Variants in HDAC9 observed in about 807,000 individuals in gnomAD.
The protein encoded by HDAC9 is MEF-2 interacting transcription repressor (MITR) protein.
HDAC9 carries 41 observed loss-of-function variants against 139.4 expected under a neutral mutation model. The ratio of observed to expected loss-of-function variants is 0.29; its 90% CI spans 0.23 to 0.38. HDAC9 has a LOEUF of 0.38. Among genes scored for constraint, HDAC9 ranks in the 10% least tolerant of loss-of-function variants. The probability of loss-of-function intolerance (pLI) is 1.00; values close to 1 mark genes in which losing one functional copy is unlikely to be tolerated. For synonymous variants in HDAC9, 517 were observed against 476.2 expected (o/e 1.09, Z -1.12); for missense variants, 1,147 against 1,297.0 (o/e 0.88, Z 1.78).
In HDAC9 at chr7:18,762,318, A is replaced by C. The variant is rs1789460834; in HGVS notation, c.2164+41A>C. 3 of 1,604,640 alleles carry C rather than the reference A, an allele frequency of 1.9e-6. No homozygotes were observed. The African/African-American group carries it at 4.0e-5, about 21-fold the overall frequency. ...CACTGTACTGGGAACAGCACATTCC[A>C]GCACTATCATTAGTCAACGCTGGTG... On this transcript the variant is annotated intron_variant, in intron 15 of 25. Coordinates refer to ENST00000686413, the MANE Select transcript of HDAC9 (RefSeq NM_178425.4).
chr7:18,886,341 A>G (rs1800150645), intron 22 of HDAC9, among the ~76,000 whole-genome samples: 1 of 152,230 alleles, frequency 6.6e-6, no homozygotes, highest in Non-Finnish European at 1.5e-5. Context: ...CTATAACTGT[A>G]CCATAACAGG....
intron 6 of HDAC9, among the ~76,000 whole-genome samples, chr7:18,625,860 C>T: frequency 6.9e-6 from 1 of 143,900 alleles, no homozygotes; most frequent in Non-Finnish European, 1.5e-5. Flanking sequence ...AGGAGAATCT[C>T]TGGAACCCAG....
chr7:18,964,697 G>A (rs1418350616), intron 24 of HDAC9, among the ~76,000 whole-genome samples: 2 of 152,162 alleles, frequency 1.3e-5, no homozygotes, highest in Non-Finnish European at 2.9e-5. Flanking sequence ...TATCTTACAT[G>A]GTGGCAGGTG....
chr7:18,331,541 G>A (rs1800919661), intron 1 of HDAC9, among the ~76,000 whole-genome samples: 1 of 151,508 alleles, frequency 6.6e-6, no homozygotes, highest in South Asian at 2.1e-4. Context: ...TAACAGAAAT[G>A]TTTAACTTTT....
intron 25 of HDAC9, among the ~76,000 whole-genome samples, chr7:18,988,288 A>G (rs934821795): frequency 1.3e-5 from 2 of 152,030 alleles, no homozygotes; most frequent in Non-Finnish European, 2.9e-5. Flanking sequence ...GTTTCAAAGA[A>G]CATCTTTATT....
At chr7:18,091,982 A>G (rs952459587) in intron 1 of HDAC9, among the ~76,000 whole-genome samples, 3 of 152,212 alleles carry the variant, frequency 2.0e-5, no homozygotes, top group African/African-American at 7.2e-5. Context: ...GATAAGAAAG[A>G]GTCTTATATA....
chr7:18,647,678 C>A (rs2129029075), intron 9 of HDAC9, 107 bp from the exon 10 acceptor site: 1 of 894,788 alleles, frequency 1.1e-6, no homozygotes, highest in Non-Finnish European at 1.7e-6. Flanking sequence ...TAAGATGGGG[C>A]TTTTGTTTTG....
At chr7:18,593,069 G>A (rs1583820203) in intron 5 of HDAC9, among the ~76,000 whole-genome samples, 3 of 151,966 alleles carry the variant, frequency 2.0e-5, no homozygotes, top group Admixed American at 6.6e-5. Context: ...AACCACAAAC[G>A]ATTAATTTAT....
chr7:18,384,257 G>A (rs539958863), intron 1 of HDAC9, among the ~76,000 whole-genome samples: 8 of 151,964 alleles, frequency 5.3e-5, no homozygotes, highest in South Asian at 2.1e-4. Context: ...GTGGTGACCC[G>A]TCACTGTGCC....
At chr7:18,707,437 T>A (rs1374751782) in intron 12 of HDAC9, among the ~76,000 whole-genome samples, 1 of 152,126 alleles carries the variant, frequency 6.6e-6, no homozygotes, top group African/African-American at 2.4e-5. Flanking sequence ...GCAGAAAAAT[T>A]GAAAACAGTC....
chr7:18,939,880 T>A (rs1167527552), intron 23 of HDAC9, among the ~76,000 whole-genome samples: 1 of 152,202 alleles, frequency 6.6e-6, no homozygotes, highest in Non-Finnish European at 1.5e-5. Flanking sequence ...AGAACCCGCT[T>A]TAGTTTCTCA....
At chr7:18,574,459 A>G (rs946867248) in intron 2 of HDAC9, among the ~76,000 whole-genome samples, 4 of 152,238 alleles carry the variant, frequency 2.6e-5, no homozygotes, top group African/African-American at 7.2e-5. Context: ...ATAAAGCACC[A>G]TAAGTTCTCA....
chr7:18,478,197 G>A (rs1276972451), intron 1 of HDAC9, among the ~76,000 whole-genome samples: 5 of 151,640 alleles, frequency 3.3e-5, no homozygotes, highest in East Asian at 3.9e-4. Context: ...TCAGCCTCCC[G>A]AGTAGCTGGG....
chr7:18,609,999 C>T (rs1244979279), intron 6 of HDAC9, among the ~76,000 whole-genome samples: 1 of 152,118 alleles, frequency 6.6e-6, no homozygotes, highest in Non-Finnish European at 1.5e-5. Flanking sequence ...GTGGCGATTC[C>T]TCAAGGATCT....
chr7:18,995,981 G>C (rs1450936303), intron 25 of HDAC9, 42 bp from the exon 26 acceptor site: 2 of 1,486,154 alleles, frequency 1.3e-6, no homozygotes, highest in African/African-American at 2.8e-5. Context: ...ATGTCATTGT[G>C]TACTCTTATG....
At chr7:18,409,619 G>A (rs116870349) in intron 1 of HDAC9, among the ~76,000 whole-genome samples, 2,565 of 152,170 alleles carry the variant, frequency 0.017, 33 homozygotes, top group Non-Finnish European at 0.022. Flanking sequence ...TCAAAAGACC[G>A]TGTTTGCTTA....
intron 1 of HDAC9, among the ~76,000 whole-genome samples, chr7:18,477,394 C>T (rs148828969): frequency 1.1e-3 from 162 of 151,850 alleles, no homozygotes; most frequent in South Asian, 9.6e-3. Context: ...GTTATGTGTG[C>T]GTGCGTGCGT....
intron 2 of HDAC9, among the ~76,000 whole-genome samples, chr7:18,269,659 T>G (rs530018789): frequency 1.3e-5 from 2 of 151,980 alleles, no homozygotes; most frequent in African/African-American, 4.8e-5. Flanking sequence ...GAGTTGGAGG[T>G]TGGAGTGAGT....
intron 1 of HDAC9, among the ~76,000 whole-genome samples, chr7:18,431,655 A>G (rs1036274980): frequency 3.9e-5 from 6 of 152,192 alleles, no homozygotes; most frequent in African/African-American, 1.2e-4. Flanking sequence ...TTATTATCCT[A>G]TTATACCCCC....
Sources: gnomAD v4.1 joint callset for allele counts (sites outside exome capture counted in the v4.1 genomes callset) on GRCh38, gnomAD v4.1.1 for gene constraint, MANE v1.5 for transcripts, NCBI Gene and HGNC (gene_info 2026-07-23, HGNC 2026-07-21) for gene names.